Variants in CNTNAP2 observed in about 807,000 individuals in gnomAD.
The protein encoded by CNTNAP2 is contactin associated protein 2.
In CNTNAP2, 98 loss-of-function variants were observed where a neutral mutation model predicts 155.2. The observed-to-expected ratio is 0.63, with a 90% CI of 0.54 to 0.75. CNTNAP2 has a LOEUF of 0.75. Among genes scored for constraint, CNTNAP2 ranks in the 30% least tolerant of loss-of-function variants. The pLI is 0.00. For synonymous variants in CNTNAP2, 651 were observed against 631.2 expected (o/e 1.03, Z -0.47); for missense variants, 1,727 against 1,688.1 (o/e 1.02, Z -0.40).
At chr7:147,228,853 G>C (rs1368671084) in intron 8 of CNTNAP2, among the ~76,000 whole-genome samples, 1 of 147,178 alleles carries the variant, frequency 6.8e-6, no homozygotes, top group Admixed American at 6.8e-5. Context: ...TCCCCTCCCT[G>C]TGTCCATGTG....
At chr7:147,480,596 T>C (rs1353782908) in intron 10 of CNTNAP2, among the ~76,000 whole-genome samples, 2 of 152,230 alleles carry the variant, frequency 1.3e-5, no homozygotes, top group Non-Finnish European at 2.9e-5. Context: ...AAGATTATTA[T>C]ATGTCACTCT....
chr7:148,352,742 T>C (rs191496601), intron 21 of CNTNAP2, among the ~76,000 whole-genome samples: 66 of 152,256 alleles, frequency 4.3e-4, no homozygotes, highest in Middle Eastern at 6.8e-3. Flanking sequence ...AGTTCAACTT[T>C]GGACAGTTGC....
chr7:148,022,218 T>C (rs1473395956), intron 15 of CNTNAP2, among the ~76,000 whole-genome samples: 10 of 151,976 alleles, frequency 6.6e-5, no homozygotes, highest in African/African-American at 2.4e-4. Context: ...CCTGTAATCC[T>C]AGCACTATGG....
At chr7:146,981,865 A>T (rs1798024624) in intron 3 of CNTNAP2, among the ~76,000 whole-genome samples, 1 of 152,190 alleles carries the variant, frequency 6.6e-6, no homozygotes, top group African/African-American at 2.4e-5. Context: ...CTTATATTGA[A>T]AAGGGCCGGA....
chr7:146,827,986 A>T (rs1302721468), intron 2 of CNTNAP2, among the ~76,000 whole-genome samples: 1 of 152,118 alleles, frequency 6.6e-6, no homozygotes, highest in African/African-American at 2.4e-5. Context: ...AATATATGAC[A>T]TATCTGGTTT....
intron 3 of CNTNAP2, among the ~76,000 whole-genome samples, chr7:147,029,542 A>C (rs992543436): frequency 1.8e-5 from 2 of 111,786 alleles, no homozygotes; most frequent in South Asian, 6.8e-4. Context: ...AACATAATGT[A>C]AAAAGGGTTT....
chr7:146,968,370 G>A (rs976982707), intron 3 of CNTNAP2, among the ~76,000 whole-genome samples: 1 of 151,154 alleles, frequency 6.6e-6, no homozygotes, highest in African/African-American at 2.4e-5. Flanking sequence ...GATTGGAATA[G>A]TTTCAGAAGG....
At chr7:146,374,860 A>G (rs1167676492) in intron 1 of CNTNAP2, among the ~76,000 whole-genome samples, 1 of 152,184 alleles carries the variant, frequency 6.6e-6, no homozygotes, top group African/African-American at 2.4e-5. Flanking sequence ...CAACTAAGTA[A>G]GTGAATGTGC....
intron 14 of CNTNAP2, among the ~76,000 whole-genome samples, chr7:147,957,881 T>C (rs552586372): frequency 3.5e-4 from 52 of 147,260 alleles, no homozygotes; most frequent in African/African-American, 1.4e-3. Flanking sequence ...TGGAGACCAG[T>C]CTGGACAACA....
intron 10 of CNTNAP2, 127 bp downstream of exon 10, chr7:147,395,907 C>G: frequency 2.1e-6 from 2 of 972,024 alleles, no homozygotes; most frequent in African/African-American, 1.6e-5. Flanking sequence ...AATTACCATT[C>G]AAAGTACGTA....
intron 1 of CNTNAP2, among the ~76,000 whole-genome samples, chr7:146,687,480 G>A (rs1305118845): frequency 4.6e-5 from 7 of 152,178 alleles, no homozygotes; most frequent in Non-Finnish European, 7.4e-5. Context: ...GCCCCTTTTT[G>A]TCGTGTATCA....
chr7:148,075,993 A>G (rs1338746865), intron 15 of CNTNAP2, among the ~76,000 whole-genome samples: 2 of 152,218 alleles, frequency 1.3e-5, no homozygotes, highest in South Asian at 2.1e-4. Flanking sequence ...TACAGTCTTC[A>G]TAGGTATTTA....
At chr7:148,395,414 G>A (rs2116689136) in intron 22 of CNTNAP2, among the ~76,000 whole-genome samples, 1 of 151,902 alleles carries the variant, frequency 6.6e-6, no homozygotes, top group African/African-American at 2.4e-5. Context: ...CCCGCCTCCA[G>A]GACTGCACCC....
intron 1 of CNTNAP2, among the ~76,000 whole-genome samples, chr7:146,213,618 C>G (rs1056150257): frequency 6.6e-6 from 1 of 152,140 alleles, no homozygotes; most frequent in Non-Finnish European, 1.5e-5. Flanking sequence ...TAGTAGAACA[C>G]TTTTCATCAG....
At chr7:146,373,594 T>C (rs945776704) in intron 1 of CNTNAP2, among the ~76,000 whole-genome samples, 1 of 152,016 alleles carries the variant, frequency 6.6e-6, no homozygotes, top group Non-Finnish European at 1.5e-5. Context: ...ATGGAGTATA[T>C]GAAGCAGTAT....
intron 1 of CNTNAP2, among the ~76,000 whole-genome samples, chr7:146,645,988 A>C (rs532376927): frequency 7.4e-4 from 113 of 152,312 alleles, no homozygotes; most frequent in African/African-American, 2.6e-3. Context: ...CTATGGGAAA[A>C]GTCACATATG....
At chr7:147,342,174 G>T (rs1459748537) in intron 9 of CNTNAP2, among the ~76,000 whole-genome samples, 2 of 151,926 alleles carry the variant, frequency 1.3e-5, no homozygotes, top group African/African-American at 4.8e-5. Context: ...ATATCCCAAA[G>T]GTCCCATCTC....
intron 1 of CNTNAP2, among the ~76,000 whole-genome samples, chr7:146,269,238 G>T (rs1359946923): frequency 2.0e-5 from 3 of 152,156 alleles, no homozygotes; most frequent in Middle Eastern, 3.2e-3. Flanking sequence ...CACTTGGGAG[G>T]CTGAGGCAGG....
chr7:147,351,714 A>G (rs1176239345), intron 9 of CNTNAP2, among the ~76,000 whole-genome samples: 1 of 151,780 alleles, frequency 6.6e-6, no homozygotes, highest in Non-Finnish European at 1.5e-5. Context: ...ATTTGTATTG[A>G]TGCACTAGAA....
Sources: allele counts gnomAD v4.1 joint callset (sites outside exome capture counted in the v4.1 genomes callset), GRCh38; gene constraint gnomAD v4.1.1; transcripts MANE v1.5; gene names NCBI Gene and HGNC (gene_info 2026-07-23, HGNC 2026-07-21).